Variants in ZNF730 observed in about 807,000 individuals in gnomAD.
ZNF730 encodes putative zinc finger protein 730.
ZNF730 carries 12 observed loss-of-function variants against 12.6 expected under a neutral mutation model. The ratio of observed to expected loss-of-function variants is 0.95; its 90% CI spans 0.61 to 1.54. The LOEUF is 1.54. Among genes scored for constraint, ZNF730 ranks in the 40% most tolerant of loss-of-function variants. The probability of loss-of-function intolerance (pLI) is 0.00; values close to 1 mark genes in which losing one functional copy is unlikely to be tolerated. For synonymous variants in ZNF730, 194 were observed against 195.8 expected (o/e 0.99, Z 0.08); for missense variants, 643 against 583.5 (o/e 1.10, Z -1.05).
intron 1 of ZNF730, among the ~76,000 whole-genome samples, chr19:23,086,482 G>T (rs1455526518): frequency 6.6e-6 from 1 of 152,098 alleles, no homozygotes; most frequent in Non-Finnish European, 1.5e-5. Context: ...TTTTGTATAG[G>T]GTGTAAGGAA....
chr19:23,116,710 C>T (rs1040128131), upstream of ZNF730, among the ~76,000 whole-genome samples: 1 of 152,026 alleles, frequency 6.6e-6, no homozygotes, highest in African/African-American at 2.4e-5. Flanking sequence ...CGTGAGCCAC[C>T]GCGCCCGGTC....
upstream of ZNF730, among the ~76,000 whole-genome samples, chr19:23,113,901 C>G (rs770116759): frequency 6.6e-6 from 1 of 152,064 alleles, no homozygotes; most frequent in African/African-American, 2.4e-5. Context: ...TTTAATTATA[C>G]CCTAAATCTA....
At chr19:23,097,012 C>A (rs1395081488) in intron 1 of ZNF730, among the ~76,000 whole-genome samples, 1 of 152,166 alleles carries the variant, frequency 6.6e-6, no homozygotes, top group Non-Finnish European at 1.5e-5. Flanking sequence ...AGTAACATAT[C>A]ATTGAGTCCA....
chr19:23,106,290 A>T (rs1970392083), intron 1 of ZNF730, among the ~76,000 whole-genome samples: 1 of 152,188 alleles, frequency 6.6e-6, no homozygotes, highest in African/African-American at 2.4e-5. Context: ...ACGATGAAAC[A>T]GTTCTGTGTG....
At chr19:23,120,130 GACT>G (rs1439951004) in intron 1 of ZNF730, among the ~76,000 whole-genome samples, 1 of 151,838 alleles carries the variant, frequency 6.6e-6, no homozygotes, top group Non-Finnish European at 1.5e-5. Flanking sequence ...AAGTAGCCAG[GACT>G]ACAGGCGGGT....
Position 23,145,701 on chromosome 19 carries a change from T to TA in ZNF730, c.661dup (p.Arg221LysfsTer4). On this transcript the variant is annotated frameshift_variant, in exon 4 of 4. Transcript: ENST00000597761. LOFTEE classifies it low-confidence loss of function (END_TRUNC). ...ATGAGTCCTCAAACTGTACTACACA[T>TA]AAAAGAATTACTGAGAAAAAACCTT... 1.3e-6 allele frequency: 2 copies of TA among 1,555,294 alleles called. No homozygotes were observed. The highest frequency in any genetic ancestry group is 1.7e-6 in the Non-Finnish European group (2 of 1,151,176).
At chr19:23,133,593 C>T (rs1448084346) in intron 1 of ZNF730, among the ~76,000 whole-genome samples, 4 of 152,154 alleles carry the variant, frequency 2.6e-5, no homozygotes, top group East Asian at 1.9e-4. Context: ...CCGCCTGCCT[C>T]GGCCTCCCAA....
At chr19:23,112,227 A>G (rs757174162), upstream of ZNF730, among the ~76,000 whole-genome samples, 3 of 152,200 alleles carry the variant, frequency 2.0e-5, no homozygotes, top group Non-Finnish European at 4.4e-5. Context: ...AAGCAGATGG[A>G]TATCTTTATG....
At chr19:23,080,218 G>A (rs929056294) in intron 1 of ZNF730, among the ~76,000 whole-genome samples, 1 of 152,036 alleles carries the variant, frequency 6.6e-6, no homozygotes, top group Non-Finnish European at 1.5e-5. Context: ...TGCCGCATTC[G>A]TTTAATCTAC....
At position 23,135,974 on chromosome 19, in the gene ZNF730, A is replaced by G. The variant is rs1970825763; in HGVS notation, c.157A>G (p.Ile53Val). ...TATTGCTGTCTCAAAGCCAGACCTGATCACCTGTCTGGAGCAAGAAAAAGA... is the reference window on the plus strand; with the variant it reads ...TATTGCTGTCTCAAAGCCAGACCTGGTCACCTGTCTGGAGCAAGAAAAAGA... The part of the protein sequence containing the change: ...LGIAVSKPDL[I>V]TCLEQEKEPW... The change falls in exon 3 of 4, where the codon ATC (isoleucine) becomes GTC (valine). Residue 53 changes from isoleucine (I) to valine (V), a missense_variant. Coordinates refer to ENST00000597761, the MANE Select transcript of ZNF730 (RefSeq NM_001277403.2). 3.1e-6 allele frequency: 5 copies of G among 1,609,894 alleles called. No homozygotes were observed. Among genetic ancestry groups the G allele is most frequent in the African/African-American group, 2.7e-5 (2 of 74,750 alleles).
chr19:23,112,490 G>A (rs1970471381), upstream of ZNF730, among the ~76,000 whole-genome samples: 1 of 152,182 alleles, frequency 6.6e-6, no homozygotes, highest in African/African-American at 2.4e-5. Context: ...TTGGGAGGCT[G>A]AGGTGGGCAG....
At position 23,146,543 on chromosome 19, in the gene ZNF730, C is replaced by A; in HGVS notation, c.1499C>A (p.Thr500Lys). ...RRFSHLTRHK[T>K]IHT The stretch of plus-strand genomic sequence containing the variant: ...TTCTCACACCTTACTAGGCATAAGA[C>A]AATTCATACATAAAATTGTAAAGAC... Residue 500 changes from threonine (T) to lysine (K), a missense_variant, in exon 4 of 4, where the codon ACA (threonine) becomes AAA (lysine). Physicochemically the swap from Thr to Lys is moderately conservative, Grantham distance 78. Transcript: ENST00000597761. 2 of 1,581,192 alleles carry A rather than the reference C, an allele frequency of 1.3e-6. No homozygotes were observed. The highest frequency in any genetic ancestry group is 1.7e-6 in the Non-Finnish European group (2 of 1,166,830).
At chr19:23,134,353 T>G in intron 2 of ZNF730, 147 bp downstream of exon 2, 69 of 592,176 alleles carry the variant, frequency 1.2e-4, no homozygotes, top group East Asian at 5.9e-4. Context: ...CCTGCCCCTC[T>G]GCCCGGCCAG....
At chr19:23,085,863 T>TTTTTTTTTTTTAATTC (rs1970055462) in intron 1 of ZNF730, among the ~76,000 whole-genome samples, 1 of 103,774 alleles carries the variant, frequency 9.6e-6, no homozygotes, top group Non-Finnish European at 2.0e-5. Flanking sequence ...TTTTTTTTTT[T>TTTTTTTTTTTTAATTC]GAGATGGAGT....
chr19:23,085,496 CTTTTTTTTTTTTTT>C (rs58871710), intron 1 of ZNF730, among the ~76,000 whole-genome samples: 25 of 52,790 alleles, frequency 4.7e-4, no homozygotes, highest in African/African-American at 1.1e-3. Flanking sequence ...CCATGCCCGT[CTTTTTTTTTTTTTT>C]TTTTTTTTTT....
At chr19:23,134,301 T>C in intron 2 of ZNF730, 95 bp downstream of exon 2, 1 of 1,103,288 alleles carries the variant, frequency 9.1e-7, no homozygotes, top group Non-Finnish European at 1.3e-6. Flanking sequence ...GGTTTTTTTC[T>C]TTTTCTTTTT....
intron 1 of ZNF730, among the ~76,000 whole-genome samples, chr19:23,107,475 A>AAAAAAAAAAAAAAAAAAAAAAAAAAAC (rs752480467): frequency 8.4e-6 from 1 of 118,932 alleles, no homozygotes; most frequent in Non-Finnish European, 1.8e-5. Flanking sequence ...AAAAAAAAAA[A>AAAAAAAAAAAAAAAAAAAAAAAAAAAC]CCACCACAGC....
chr19:23,111,520 G>A, intron 1 of ZNF730, among the ~76,000 whole-genome samples: 1 of 152,152 alleles, frequency 6.6e-6, no homozygotes, highest in East Asian at 1.9e-4. Flanking sequence ...GCTGAGGTGG[G>A]TGGAACACTT....
intron 1 of ZNF730, among the ~76,000 whole-genome samples, chr19:23,106,803 A>T (rs372960384): frequency 6.6e-6 from 1 of 152,252 alleles, no homozygotes. Context: ...AAAAAAAAAA[A>T]AAAAAAGGTT....
Sources: allele counts gnomAD v4.1 joint callset (sites outside exome capture counted in the v4.1 genomes callset), GRCh38; gene constraint gnomAD v4.1.1; transcripts MANE v1.5; gene names NCBI Gene and HGNC (gene_info 2026-07-23, HGNC 2026-07-21).